The following PCDH9 variants were observed in gnomAD, a reference collection of about 807,000 sequenced individuals.
PCDH9 encodes protocadherin-9.
Under a neutral mutation model 70.6 loss-of-function variants are expected in PCDH9, and 24 were observed. The observed-to-expected ratio is 0.34, with a 90% CI of 0.25 to 0.48. The LOEUF is 0.48. Among genes scored for constraint, PCDH9 ranks in the 20% least tolerant of loss-of-function variants. The pLI is 0.99. For synonymous variants in PCDH9, 562 were observed against 558.5 expected (o/e 1.01, Z -0.09); for missense variants, 1,281 against 1,503.6 (o/e 0.85, Z 2.45).
Position 66,380,625 on chromosome 13 carries a change from G to C in PCDH9, c.3341-75597C>G, listed in dbSNP as rs369925728. On this transcript the variant is annotated intron_variant, in intron 4 of 4. Coordinates refer to ENST00000377865, the MANE Select transcript of PCDH9 (RefSeq NM_203487.3). ...GTGGCGTCATCTCGGCTCACTGCAAGCTCCGCCTCCCGGGTTCACGCCATT... is the reference window on the plus strand; with the variant it reads ...GTGGCGTCATCTCGGCTCACTGCAACCTCCGCCTCCCGGGTTCACGCCATT... 5.8e-3 allele frequency among the ~76,000 whole-genome samples: 796 copies of C among 137,294 alleles called. 4 individuals are homozygous for C. Among genetic ancestry groups the C allele is most frequent in the African/African-American group, 0.02 (757 of 37,042 alleles). The allele number at this position is 137,294 out of a possible 152,430, so 90.1% of individuals were successfully genotyped here.
intron 4 of PCDH9, among the ~76,000 whole-genome samples, chr13:66,549,839 C>T (rs896150338): frequency 7.9e-5 from 12 of 151,838 alleles, no homozygotes; most frequent in South Asian, 2.1e-4. Context: ...GGCAAAATGG[C>T]GAGACCCTAT....
At chr13:66,797,776 T>A (rs2080266748) in intron 3 of PCDH9, among the ~76,000 whole-genome samples, 1 of 152,120 alleles carries the variant, frequency 6.6e-6, no homozygotes, top group Non-Finnish European at 1.5e-5. Flanking sequence ...ATATGGGACA[T>A]CACTGTATAT....
intron 2 of PCDH9, among the ~76,000 whole-genome samples, chr13:67,161,108 C>T (rs541208294): frequency 6.6e-6 from 1 of 152,272 alleles, no homozygotes; most frequent in African/African-American, 2.4e-5. Flanking sequence ...AATGATTTAA[C>T]AATCCAGGTG....
chr13:66,754,702 T>C (rs2079514123), intron 3 of PCDH9, among the ~76,000 whole-genome samples: 1 of 152,104 alleles, frequency 6.6e-6, no homozygotes, highest in Non-Finnish European at 1.5e-5. Flanking sequence ...TAAATAGAAA[T>C]ACAGCTAGCA....
Position 67,138,615 on chromosome 13 carries a change from G to A in PCDH9, c.3036+86790C>T, listed in dbSNP as rs1347035763. Among the ~76,000 whole-genome samples, 5 of 152,224 alleles carry A rather than the reference G, an allele frequency of 3.3e-5. No homozygotes were observed. In the East Asian group the frequency reaches 7.7e-4, roughly 24 times the overall value. ...GAGTCACCAATGGAATCCTCTAGGG[G>A]GTATTTAAACTCCCAAAAATTCTGT... On this transcript the variant is annotated intron_variant, in intron 2 of 4. Coordinates refer to ENST00000377865, the MANE Select transcript of PCDH9 (RefSeq NM_203487.3).
intron 2 of PCDH9, among the ~76,000 whole-genome samples, chr13:66,987,348 A>C (rs927823770): frequency 6.6e-6 from 1 of 152,052 alleles, no homozygotes; most frequent in African/African-American, 2.4e-5. Context: ...GTTTATAAAC[A>C]CTCAGAGGAC....
At chr13:67,126,291 T>C (rs988480379) in intron 2 of PCDH9, among the ~76,000 whole-genome samples, 13 of 152,200 alleles carry the variant, frequency 8.5e-5, no homozygotes, top group African/African-American at 3.1e-4. Context: ...TTTATCTCTT[T>C]AAAATAAGCC....
At chr13:66,935,835 C>G (rs915940773) in intron 2 of PCDH9, among the ~76,000 whole-genome samples, 1 of 152,072 alleles carries the variant, frequency 6.6e-6, no homozygotes, top group African/African-American at 2.4e-5. Flanking sequence ...AATCTCAGCA[C>G]TTTGGAAAGC....
intron 2 of PCDH9, among the ~76,000 whole-genome samples, chr13:67,171,406 T>G (rs1298680490): frequency 6.6e-6 from 1 of 152,136 alleles, no homozygotes; most frequent in Non-Finnish European, 1.5e-5. Flanking sequence ...TCACCAATCA[T>G]TAACCCTCAC....
chr13:66,763,745 C>T (rs536847026), intron 3 of PCDH9, among the ~76,000 whole-genome samples: 1 of 152,040 alleles, frequency 6.6e-6, no homozygotes, highest in South Asian at 2.1e-4. Flanking sequence ...TTGCCTATAC[C>T]TCAAGTTTTT....
At chr13:66,326,265 GTC>G (rs1955842339) in intron 4 of PCDH9, among the ~76,000 whole-genome samples, 1 of 151,918 alleles carries the variant, frequency 6.6e-6, no homozygotes, top group South Asian at 2.1e-4. Flanking sequence ...TCTTGACTGT[GTC>G]TCCCCAGTAT....
intron 3 of PCDH9, among the ~76,000 whole-genome samples, chr13:66,714,794 A>T (rs1261881854): frequency 2.0e-5 from 3 of 152,160 alleles, no homozygotes; most frequent in Non-Finnish European, 2.9e-5. Context: ...TCTATGTGAG[A>T]TTTTCTTGAA....
In PCDH9 at chr13:66,712,637, T is replaced by C. The variant is rs149671649; in HGVS notation, c.3139-81226A>G. On this transcript the variant is annotated intron_variant, in intron 3 of 4. Transcript: ENST00000377865. ...GTCCTTTGGATAACTTCCTCTCCAA[T>C]TGAATTGTTTCATACTGGAAATTAT... Among the ~76,000 whole-genome samples the C allele has an allele frequency of 3.5e-3, 540 of 152,314 alleles. 2 individuals are homozygous for C. The highest frequency in any genetic ancestry group is 0.012 in the African/African-American group (513 of 41,576).
chr13:66,354,767 C>T (rs1475559324), intron 4 of PCDH9, among the ~76,000 whole-genome samples: 1 of 152,108 alleles, frequency 6.6e-6, no homozygotes, highest in Non-Finnish European at 1.5e-5. Context: ...CATTGCTTGC[C>T]TCTCCATATT....
At chr13:67,046,803 C>A (rs1017761108) in intron 2 of PCDH9, among the ~76,000 whole-genome samples, 1 of 151,898 alleles carries the variant, frequency 6.6e-6, no homozygotes, top group Non-Finnish European at 1.5e-5. Flanking sequence ...AAAATATAAA[C>A]TTATTTTTAT....
chr13:66,864,779 C>T (rs2081542768), intron 3 of PCDH9, among the ~76,000 whole-genome samples: 1 of 152,172 alleles, frequency 6.6e-6, no homozygotes, highest in South Asian at 2.1e-4. Context: ...AAGCATTAAT[C>T]AGATCTGAGG....
chr13:66,980,246 T>C (rs1224375175), intron 2 of PCDH9, among the ~76,000 whole-genome samples: 5 of 152,048 alleles, frequency 3.3e-5, no homozygotes, highest in Admixed American at 6.6e-5. Context: ...TCTTAATGCC[T>C]CTATCTCCCA....
At chr13:66,383,983 T>G (rs1956887838) in intron 4 of PCDH9, among the ~76,000 whole-genome samples, 1 of 152,166 alleles carries the variant, frequency 6.6e-6, no homozygotes, top group Non-Finnish European at 1.5e-5. Flanking sequence ...AAATCTAAAC[T>G]GCATCACTGT....
At chr13:66,960,006 T>C (rs2083321238) in intron 2 of PCDH9, among the ~76,000 whole-genome samples, 3 of 152,104 alleles carry the variant, frequency 2.0e-5, no homozygotes, top group Admixed American at 1.3e-4. Flanking sequence ...TCAGAATACT[T>C]ATTAGGGAGA....
Sources: allele counts gnomAD v4.1 joint callset (sites outside exome capture counted in the v4.1 genomes callset), GRCh38; gene constraint gnomAD v4.1.1; transcripts MANE v1.5; gene names NCBI Gene and HGNC (gene_info 2026-07-23, HGNC 2026-07-21).